The following ABI3BP variants were observed in gnomAD, a reference collection of about 807,000 sequenced individuals.
ABI3BP encodes ABI family member 3 binding protein.
In ABI3BP, 216 loss-of-function variants were observed where a neutral mutation model predicts 268.6. That is an observed-to-expected ratio of 0.80 (90% CI 0.72 to 0.90). The LOEUF (loss-of-function observed/expected upper bound fraction) is 0.90. ABI3BP is among the 40% of genes least tolerant of loss of function. The probability of loss-of-function intolerance (pLI) is 0.00; values close to 1 mark genes in which losing one functional copy is unlikely to be tolerated. For missense variants in ABI3BP, 2,090 were observed against 2,182.4 expected (o/e 0.96, Z 0.84); for synonymous variants, 730 against 730.0 (o/e 1.00, Z 0.00).
At chr3:100,894,389 G>T (rs374691528) in intron 4 of ABI3BP, among the ~76,000 whole-genome samples, 2 of 152,084 alleles carry the variant, frequency 1.3e-5, no homozygotes, top group African/African-American at 2.4e-5. Flanking sequence ...ATTTCATTCA[G>T]CATGTATTTA....
At chr3:100,961,520 G>C (rs768948956) in intron 1 of ABI3BP, among the ~76,000 whole-genome samples, 8 of 152,042 alleles carry the variant, frequency 5.3e-5, no homozygotes, top group Non-Finnish European at 7.4e-5. Flanking sequence ...ACATAATATG[G>C]GCAAAGGAGA....
chr3:100,898,657 C>T, intron 4 of ABI3BP, 105 bp downstream of exon 4: 3 of 1,295,756 alleles, frequency 2.3e-6, no homozygotes, highest in South Asian at 1.6e-5. Flanking sequence ...ACACCTAGAA[C>T]AGGCTGTACA....
At chr3:100,826,898 A>G (rs145924008) in intron 34 of ABI3BP, among the ~76,000 whole-genome samples, 1 of 152,262 alleles carries the variant, frequency 6.6e-6, no homozygotes, top group African/African-American at 2.4e-5. Context: ...CCCTCCGTCC[A>G]CTTTCCACGG....
At chr3:100,864,671 G>A in intron 11 of ABI3BP, 162 bp downstream of exon 11, 1 of 605,112 alleles carries the variant, frequency 1.7e-6, no homozygotes, top group Non-Finnish European at 2.9e-6. Context: ...AGTGGAATCT[G>A]TCCAAGAAAG....
At chr3:100,902,512 A>AT (rs777713899) in intron 3 of ABI3BP, 106 bp downstream of exon 3, 101 of 994,998 alleles carry the variant, frequency 1.0e-4, no homozygotes, top group Non-Finnish European at 1.5e-4. Flanking sequence ...CCTCCTCTAC[A>AT]TTCTTAAAGC....
intron 53 of ABI3BP, 35 bp downstream of exon 53, chr3:100,795,769 G>C (rs930986415): frequency 7.9e-6 from 10 of 1,270,572 alleles, no homozygotes; most frequent in Non-Finnish European, 1.0e-5. Flanking sequence ...TGGTAGCAAA[G>C]AAAACAGAGT....
At position 100,829,602 on chromosome 3, in the gene ABI3BP, C is replaced by G. The variant is rs567142500; in HGVS notation, c.2521G>C (p.Glu841Gln). 1.3e-6 allele frequency: 2 copies of G among 1,535,524 alleles called. No individual in the cohort carries two copies. Among genetic ancestry groups the G allele is most frequent in the East Asian group, 4.9e-5 (2 of 40,890 alleles). The change falls in exon 33 of 68, where the codon GAA becomes CAA. Residue 841 changes from glutamate (E) to glutamine (Q), a missense_variant. Coordinates refer to ENST00000471714, the MANE Select transcript of ABI3BP (RefSeq NM_001375547.2). Reference protein sequence around the residue: ...HPKPKTTLSPEELQTELVPAT... With the variant: ...HPKPKTTLSPQELQTELVPAT... ...TTACCCAGTTCAGTCTGAAGCTCTT[C>G]GGGACTCAGTGTGGTTTTAGGTTTG...
intron 1 of ABI3BP, among the ~76,000 whole-genome samples, chr3:100,972,426 C>G (rs958753172): frequency 6.6e-6 from 1 of 152,120 alleles, no homozygotes; most frequent in Non-Finnish European, 1.5e-5. Context: ...CAAATGTGCA[C>G]TAAAACAACC....
chr3:100,851,761 C>T, intron 15 of ABI3BP, 114 bp downstream of exon 15: 1 of 819,332 alleles, frequency 1.2e-6, no homozygotes, highest in South Asian at 1.9e-5. Context: ...GTAGAAATTT[C>T]TCCCATGCAG....
At position 100,886,300 on chromosome 3, in the gene ABI3BP, T is replaced by C. The variant is rs1224328287; in HGVS notation, c.485A>G (p.Glu162Gly). 2.5e-6 allele frequency: 4 copies of C among 1,602,024 alleles called. No homozygotes were observed. Among genetic ancestry groups the C allele is most frequent in the Non-Finnish European group, 3.4e-6 (4 of 1,174,036 alleles). ...AATCCACTTCTTTTCTTTATCCTTT[T>C]CTCGATAGCGAATTGTATAAAATCT... Reference protein sequence around the residue: ...NDRFYTIRYREKDKEKKWIFQ... With the variant: ...NDRFYTIRYRGKDKEKKWIFQ... The change falls in exon 5 of 68, where the codon GAA (glutamate) becomes GGA (glycine). Residue 162 changes from glutamate to glycine, a missense_variant. Transcript: ENST00000471714.
intron 20 of ABI3BP, among the ~76,000 whole-genome samples, chr3:100,843,134 A>AT (rs1420484210): frequency 2.0e-5 from 3 of 152,176 alleles, no homozygotes; most frequent in Non-Finnish European, 4.4e-5. Flanking sequence ...CAGGTACAGA[A>AT]TTTTTATTTC....
chr3:100,807,768 TG>T (rs2097755102), intron 50 of ABI3BP, among the ~76,000 whole-genome samples: 1 of 152,078 alleles, frequency 6.6e-6, no homozygotes, highest in South Asian at 2.1e-4. Flanking sequence ...CTCAGACATT[TG>T]TTGTAGTCAG....
chr3:100,753,495 G>T (rs977536917), intron 65 of ABI3BP, among the ~76,000 whole-genome samples: 5 of 151,536 alleles, frequency 3.3e-5, no homozygotes, highest in Non-Finnish European at 5.9e-5. Context: ...GTCTCATTAC[G>T]TTGCCAGGCT....
At chr3:100,948,494 T>C (rs2073512846) in intron 1 of ABI3BP, among the ~76,000 whole-genome samples, 1 of 152,248 alleles carries the variant, frequency 6.6e-6, no homozygotes, top group African/African-American at 2.4e-5. Flanking sequence ...TAATTCTGTT[T>C]TTAGCCAAAA....
chr3:100,858,224 G>C (rs1277015764), intron 14 of ABI3BP, among the ~76,000 whole-genome samples: 2 of 152,202 alleles, frequency 1.3e-5, no homozygotes, highest in Non-Finnish European at 2.9e-5. Flanking sequence ...TTTAAGGAAA[G>C]TTAGATTTGC....
At chr3:100,959,228 C>T (rs774154448) in intron 1 of ABI3BP, among the ~76,000 whole-genome samples, 23 of 152,082 alleles carry the variant, frequency 1.5e-4, no homozygotes, top group Admixed American at 4.6e-4. Flanking sequence ...CGGTGGCTCA[C>T]GCCTGTAATC....
chr3:100,792,794 T>C (rs1171321949), intron 54 of ABI3BP, 26 bp from the exon 55 acceptor site: 6 of 1,592,604 alleles, frequency 3.8e-6, no homozygotes, highest in Admixed American at 1.7e-5. Flanking sequence ...TAAGATTGCT[T>C]GTTTTAAATA....
At chr3:100,826,465 T>G (rs896239144) in intron 34 of ABI3BP, among the ~76,000 whole-genome samples, 2 of 152,170 alleles carry the variant, frequency 1.3e-5, no homozygotes, top group Non-Finnish European at 2.9e-5. Context: ...GTTATGGTGT[T>G]TATCTGAATA....
Position 100,812,450 on chromosome 3 carries a change from T to C in ABI3BP, c.3421+17A>G, listed in dbSNP as rs1428471032. ...AAAAGCACATATGCTTGACTTCCCA[T>C]TGGGGAACATTTTTACCTATGGTCT... On this transcript the variant is annotated intron_variant, in intron 46 of 67. Coordinates refer to ENST00000471714, the MANE Select transcript of ABI3BP (RefSeq NM_001375547.2). 7 of 1,290,638 alleles carry C rather than the reference T, an allele frequency of 5.4e-6. No individual in the cohort carries two copies. Among genetic ancestry groups the C allele is most frequent in the Non-Finnish European group, 6.9e-6 (7 of 1,017,546 alleles). The allele number at this position is 1,290,638 out of a possible 1,614,324, so 79.9% of individuals were successfully genotyped here. A position where few individuals can be genotyped will look rare whatever the true frequency, so the allele number is the denominator to read the frequency against.
Sources: allele counts gnomAD v4.1 joint callset (sites outside exome capture counted in the v4.1 genomes callset), GRCh38; gene constraint gnomAD v4.1.1; transcripts MANE v1.5; gene names NCBI Gene and HGNC (gene_info 2026-07-23, HGNC 2026-07-21).